Variants in SSNA1 observed in about 807,000 individuals in gnomAD.
The protein encoded by SSNA1 is SS nuclear autoantigen 1, also known as microtubule nucleation factor SSNA1.
Under a neutral mutation model 13.3 loss-of-function variants are expected in SSNA1, and 13 were observed. The observed-to-expected ratio is 0.97, with a 90% CI of 0.63 to 1.55. The LOEUF is 1.55. Ranked by LOEUF, SSNA1 falls within the 40% of genes most tolerant of loss-of-function variation. The probability of loss-of-function intolerance (pLI) is 0.00; values close to 1 mark genes in which losing one functional copy is unlikely to be tolerated. For synonymous variants in SSNA1, 89 were observed against 65.9 expected (o/e 1.35, Z -1.70); for missense variants, 186 against 152.7 (o/e 1.22, Z -1.15).
rs1362580344 is a variant in SSNA1 at position 137,188,752 on chromosome 9, A to G, written c.26A>G (p.Gln9Arg). The G allele has an allele frequency of 8.8e-6, 14 of 1,586,022 alleles. No homozygotes were observed. Among genetic ancestry groups the G allele is most frequent in the East Asian group, 2.3e-5 (1 of 42,836 alleles). ...ATGACCCAGCAGGGCGCGGCGCTGCAGAACTACAACAACGAGCTGGTCAAG... is the reference window on the plus strand; with the variant it reads ...ATGACCCAGCAGGGCGCGGCGCTGCGGAACTACAACAACGAGCTGGTCAAG... MTQQGAAL[Q>R]NYNNELVKCI... Residue 9 changes from glutamine to arginine, a missense_variant, in exon 1 of 3, where the codon CAG becomes CGG. Coordinates refer to ENST00000322310, the MANE Select transcript of SSNA1 (RefSeq NM_003731.3).
At chr9:137,189,708 C>T in intron 2 of SSNA1, 99 bp from the exon 3 acceptor site, 3 of 1,123,550 alleles carry the variant, frequency 2.7e-6, no homozygotes, top group Non-Finnish European at 3.9e-6. Context: ...GGCTACAGCA[C>T]CCCCAGCCAG....
Position 137,189,965 on chromosome 9 carries a change from C to T in SSNA1, c.*51C>T. 1.3e-6 allele frequency: 2 copies of T among 1,485,508 alleles called. No individual in the cohort carries two copies. The highest frequency in any genetic ancestry group is 1.1e-5 in the South Asian group (1 of 88,160). The allele number at this position is 1,485,508 out of a possible 1,614,324, so 92.0% of individuals were successfully genotyped here. A position where few individuals can be genotyped will look rare whatever the true frequency, so the allele number is the denominator to read the frequency against. ...CGTGTGCCCCTCAGCTCAGCCCCAG[C>T]AAGTGTGTGCTCAGAGCATCTTTGT... On this transcript the variant is annotated 3_prime_UTR_variant, in exon 3 of 3. Coordinates refer to ENST00000322310, the MANE Select transcript of SSNA1 (RefSeq NM_003731.3).
chr9:137,188,716 C>A lies in SSNA1; in HGVS notation c.-11C>A. 2 of 1,581,730 alleles carry A rather than the reference C, an allele frequency of 1.3e-6. No homozygotes were observed. The highest frequency in any genetic ancestry group is 1.1e-5 in the South Asian group (1 of 89,112). ...GCGGTTGGGGTGGTGGGGCCCCGGG[C>A]GGCGTTGACCATGACCCAGCAGGGC... On this transcript the variant is annotated 5_prime_UTR_variant, in exon 1 of 3. Transcript: ENST00000322310.
Position 137,189,991 on chromosome 9 carries a change from T to G in SSNA1, c.*77T>G. 1.5e-6 allele frequency: 2 copies of G among 1,313,902 alleles called. No homozygotes were observed. The highest frequency in any genetic ancestry group is 2.2e-6 in the Non-Finnish European group (2 of 924,960). The allele number at this position is 1,313,902 out of a possible 1,614,324, so 81.4% of individuals were successfully genotyped here. A position where few individuals can be genotyped will look rare whatever the true frequency, so the allele number is the denominator to read the frequency against. On this transcript the variant is annotated 3_prime_UTR_variant, in exon 3 of 3. Coordinates refer to ENST00000322310, the MANE Select transcript of SSNA1 (RefSeq NM_003731.3). ...AAGTGTGTGCTCAGAGCATCTTTGTTCTTCACGGCAGCAGCTACCTTCCCT... is the reference window on the plus strand; with the variant it reads ...AAGTGTGTGCTCAGAGCATCTTTGTGCTTCACGGCAGCAGCTACCTTCCCT...
Position 137,190,165 on chromosome 9 carries a change from C to A in SSNA1, c.*251C>A. 1 of 470,064 alleles carries A rather than the reference C, an allele frequency of 2.1e-6. No individual in the cohort carries two copies. The highest frequency in any genetic ancestry group is 3.6e-5 in the Admixed American group (1 of 27,890). 29.1% of individuals were successfully genotyped at this position (470,064 alleles called of 1,614,324 possible). On this transcript the variant is annotated 3_prime_UTR_variant, in exon 3 of 3. Transcript: ENST00000322310. The stretch of plus-strand genomic sequence containing the variant: ...CAGGTCAGCTCTGCAAGGGGCTTGT[C>A]TCTGTGGCACCCACACTCCTGCCCT...
intron 2 of SSNA1, 49 bp from the exon 3 acceptor site, chr9:137,189,758 C>G: frequency 1.3e-6 from 2 of 1,561,440 alleles, no homozygotes; most frequent in Non-Finnish European, 1.8e-6. Context: ...GGGCTTAGGA[C>G]CTTACCAACA....
chr9:137,188,799 G>T, intron 1 of SSNA1, 21 bp downstream of exon 1: 2 of 1,559,376 alleles, frequency 1.3e-6, no homozygotes, highest in Non-Finnish European at 1.7e-6. Flanking sequence ...CAGCCGGGAC[G>T]GGGAGGTCGG....
chr9:137,188,685 T>G lies in SSNA1; in HGVS notation c.-42T>G. On this transcript the variant is annotated 5_prime_UTR_variant, in exon 1 of 3. Transcript: ENST00000322310. ...GTGCGCAGGCGCGGACAGCGCTGCT[T>G]CCGCGGCGGTTGGGGTGGTGGGGCC... 1 of 1,572,790 alleles carries G rather than the reference T, an allele frequency of 6.4e-7. No individual in the cohort carries two copies. Among genetic ancestry groups the G allele is most frequent in the Non-Finnish European group, 8.6e-7 (1 of 1,168,426 alleles).
chr9:137,189,725 G>A (rs1467720294), intron 2 of SSNA1, 82 bp from the exon 3 acceptor site: 1 of 1,316,804 alleles, frequency 7.6e-7, no homozygotes, highest in Non-Finnish European at 1.1e-6. Flanking sequence ...CCAGGTCCCA[G>A]CACCTGAGTG....
chr9:137,190,212 T>C lies in SSNA1; in HGVS notation c.*298T>C. 2.6e-6 allele frequency: 1 copy of C among 386,196 alleles called. No individual in the cohort carries two copies. Among genetic ancestry groups the C allele is most frequent in the East Asian group, 5.3e-5 (1 of 18,840 alleles). 23.9% of individuals were successfully genotyped at this position (386,196 alleles called of 1,614,324 possible). ...CCCTGCCAGGGAGGCTCTGGTTGTC[T>C]GAGCACCATGGGGGCCCCCTCACCT... On this transcript the variant is annotated 3_prime_UTR_variant, in exon 3 of 3. Coordinates refer to ENST00000322310, the MANE Select transcript of SSNA1 (RefSeq NM_003731.3).
intron 1 of SSNA1, 63 bp from the exon 2 acceptor site, chr9:137,189,003 G>C: frequency 6.6e-7 from 1 of 1,525,158 alleles, no homozygotes; most frequent in East Asian, 2.5e-5. Context: ...GGTGGAAGGA[G>C]GCCCGCCCTC....
intron 2 of SSNA1, 44 bp downstream of exon 2, chr9:137,189,309 G>GC: frequency 6.2e-7 from 1 of 1,605,064 alleles, no homozygotes; most frequent in South Asian, 1.1e-5. Flanking sequence ...GATAGGCACG[G>GC]CAGGGGTGTT....
Position 137,188,704 on chromosome 9 carries a change from T to A in SSNA1, c.-23T>A. 6.3e-7 allele frequency: 1 copy of A among 1,576,656 alleles called. No homozygotes were observed. The highest frequency in any genetic ancestry group is 1.1e-5 in the South Asian group (1 of 88,622). On this transcript the variant is annotated 5_prime_UTR_variant, in exon 1 of 3. Coordinates refer to ENST00000322310, the MANE Select transcript of SSNA1 (RefSeq NM_003731.3). Reference sequence around the variant, plus strand: ...GCTGCTTCCGCGGCGGTTGGGGTGGTGGGGCCCCGGGCGGCGTTGACCATG... The same window carrying A: ...GCTGCTTCCGCGGCGGTTGGGGTGGAGGGGCCCCGGGCGGCGTTGACCATG...
Position 137,190,203 on chromosome 9 carries a change from C to G in SSNA1, c.*289C>G. ...ACACTCCTGCCCTGCCAGGGAGGCT[C>G]TGGTTGTCTGAGCACCATGGGGGCC... On this transcript the variant is annotated 3_prime_UTR_variant, in exon 3 of 3. Coordinates refer to ENST00000322310, the MANE Select transcript of SSNA1 (RefSeq NM_003731.3). 2.5e-6 allele frequency: 1 copy of G among 402,490 alleles called. No individual in the cohort carries two copies. Among genetic ancestry groups the G allele is most frequent in the Non-Finnish European group, 4.6e-6 (1 of 217,572 alleles). 24.9% of individuals were successfully genotyped at this position (402,490 alleles called of 1,614,324 possible).
At chr9:137,189,008 G>A (rs952993644) in intron 1 of SSNA1, 58 bp from the exon 2 acceptor site, 23 of 1,528,832 alleles carry the variant, frequency 1.5e-5, no homozygotes, top group Non-Finnish European at 2.0e-5. Context: ...AAGGAGGCCC[G>A]CCCTCCGCCG....
At chr9:137,189,315 G>A (rs1330928970) in intron 2 of SSNA1, 50 bp downstream of exon 2, 2 of 1,600,190 alleles carry the variant, frequency 1.2e-6, no homozygotes, top group South Asian at 2.2e-5. Context: ...CACGGCAGGG[G>A]TGTTGCCACG....
At position 137,190,075 on chromosome 9, in the gene SSNA1, C is replaced by A; in HGVS notation, c.*161C>A. The A allele has an allele frequency of 3.0e-6, 2 of 657,202 alleles. No individual in the cohort carries two copies. The highest frequency in any genetic ancestry group is 5.2e-6 in the Non-Finnish European group (2 of 382,080). 40.7% of individuals were successfully genotyped at this position (657,202 alleles called of 1,614,324 possible). Reference sequence around the variant, plus strand: ...GCCTCCACTGGCATCAGTGACAAGCCCAGGGCACAGCCCACCCGGGGGTCC... The same window carrying A: ...GCCTCCACTGGCATCAGTGACAAGCACAGGGCACAGCCCACCCGGGGGTCC... On this transcript the variant is annotated 3_prime_UTR_variant, in exon 3 of 3. Transcript: ENST00000322310.
In SSNA1 at chr9:137,189,936, C is replaced by T; in HGVS notation, c.*22C>T. 1 of 1,594,738 alleles carries T rather than the reference C, an allele frequency of 6.3e-7. No homozygotes were observed. The highest frequency in any genetic ancestry group is 8.6e-7 in the Non-Finnish European group (1 of 1,163,652). Reference sequence around the variant, plus strand: ...CTGACCAGACCACGGGCAGGGCCTGCCTCCGTGTGCCCCTCAGCTCAGCCC... The same window carrying T: ...CTGACCAGACCACGGGCAGGGCCTGTCTCCGTGTGCCCCTCAGCTCAGCCC... On this transcript the variant is annotated 3_prime_UTR_variant, in exon 3 of 3. Coordinates refer to ENST00000322310, the MANE Select transcript of SSNA1 (RefSeq NM_003731.3).
rs1473448748 is a variant in SSNA1, at chr9:137,189,862, T to G, written c.308T>G (p.Leu103Arg). ...GTTCTCAAGAGGGAAGCTGGGAACC[T>G]GACCAAGGCTACAGCCCCAGACCAG... ...LSVLKREAGN[L>R]TKATAPDQKS... The change falls in exon 3 of 3, where the codon CTG (leucine) becomes CGG (arginine). Residue 103 changes from leucine (L) to arginine (R), a missense_variant. Transcript: ENST00000322310. 8 of 1,613,870 alleles carry G rather than the reference T, an allele frequency of 5.0e-6. No homozygotes were observed. The highest frequency in any genetic ancestry group is 1.3e-5 in the African/African-American group (1 of 74,944).
Sources: gnomAD v4.1 joint callset for allele counts on GRCh38, gnomAD v4.1.1 for gene constraint, MANE v1.5 for transcripts, NCBI Gene and HGNC (gene_info 2026-07-23, HGNC 2026-07-21) for gene names.